The following ATXN1 variants were observed in gnomAD, a reference collection of about 807,000 sequenced individuals.
ATXN1 encodes the protein ataxin 1.
ATXN1 carries 8 observed loss-of-function variants against 56.4 expected under a neutral mutation model. The ratio of observed to expected loss-of-function variants is 0.14; its 90% CI spans 0.08 to 0.26. The LOEUF (loss-of-function observed/expected upper bound fraction) is 0.26, where lower values mean the gene tolerates loss of function less well. Among genes scored for constraint, ATXN1 ranks in the 10% least tolerant of loss-of-function variants. ATXN1 has a pLI of 1.00. For synonymous variants in ATXN1, 514 were observed against 494.6 expected (o/e 1.04, Z -0.52); for missense variants, 987 against 1,106.5 (o/e 0.89, Z 1.53).
At chr6:16,705,505 A>G (rs1052985556) in intron 2 of ATXN1, among the ~76,000 whole-genome samples, 2 of 152,174 alleles carry the variant, frequency 1.3e-5, no homozygotes, top group African/African-American at 4.8e-5. Flanking sequence ...TTGGTTCCCC[A>G]ATCACAGTGA....
chr6:16,624,688 G>A (rs1483077863), intron 3 of ATXN1, among the ~76,000 whole-genome samples: 1 of 152,074 alleles, frequency 6.6e-6, no homozygotes, highest in Non-Finnish European at 1.5e-5. Context: ...CACATACTGT[G>A]GGTGAGAATA....
intron 4 of ATXN1, among the ~76,000 whole-genome samples, chr6:16,539,087 C>T (rs1191920220): frequency 6.6e-6 from 1 of 152,170 alleles, no homozygotes; most frequent in Non-Finnish European, 1.5e-5. Flanking sequence ...CTACCCATTC[C>T]CATGCAGAAA....
intron 6 of ATXN1, among the ~76,000 whole-genome samples, chr6:16,451,562 C>A (rs369306784): frequency 2.6e-5 from 4 of 152,040 alleles, no homozygotes; most frequent in Non-Finnish European, 5.9e-5. Flanking sequence ...TGGAGACCAG[C>A]CCGACCAACA....
chr6:16,657,957 T>C (rs746987860), intron 2 of ATXN1, 56 bp from the exon 3 acceptor site: 1 of 152,200 alleles, frequency 6.6e-6, no homozygotes, highest in African/African-American at 2.4e-5. Flanking sequence ...CTTCAAGCAG[T>C]TAGTGGATAT....
chr6:16,706,736 A>AAAAAC lies in ATXN1; in HGVS notation c.-615+46496_-615+46497insGTTTT, dbSNP rs1554127335. 3.7e-4 allele frequency among the ~76,000 whole-genome samples: 54 copies of AAAAAC among 144,760 alleles called. 2 individuals are homozygous for AAAAAC. Among genetic ancestry groups the AAAAAC allele is most frequent in the East Asian group, 1.4e-3 (7 of 4,880 alleles). 95.0% of individuals were successfully genotyped at this position (144,760 alleles called of 152,430 possible). ...AAGACTCCATCTCAAAAAAAAAAAA[A>AAAAAC]AAAAGGAAGAAAGAAAGAGGACCCT... On this transcript the variant is annotated intron_variant, in intron 2 of 7. Transcript: ENST00000436367.
intron 6 of ATXN1, among the ~76,000 whole-genome samples, chr6:16,466,782 A>C (rs897575355): frequency 6.6e-6 from 1 of 152,218 alleles, no homozygotes; most frequent in African/African-American, 2.4e-5. Context: ...CAGGTAGATA[A>C]TAATGACATG....
At chr6:16,570,686 T>C (rs964648671) in intron 4 of ATXN1, among the ~76,000 whole-genome samples, 2 of 152,142 alleles carry the variant, frequency 1.3e-5, no homozygotes, top group African/African-American at 4.8e-5. Flanking sequence ...GAAAGACAGA[T>C]GAAAGTGAAG....
rs180017 is a variant in ATXN1, at chr6:16,305,971, A to G, written c.*358T>C. 0.36 allele frequency: 79,707 copies of G among 223,516 alleles called. 14,685 individuals carry two copies. Among genetic ancestry groups the G allele is most frequent in the Admixed American group, 0.37 (7,113 of 19,040 alleles). 13.8% of individuals were successfully genotyped at this position (223,516 alleles called of 1,614,324 possible). On this transcript the variant is annotated 3_prime_UTR_variant, in exon 8 of 8. Transcript: ENST00000436367. Reference sequence around the variant, plus strand: ...GCGTGCAACCCTGCACCCCTGCAGGACCCTTCCCACGGGACTTTTCTCCTG... The same window carrying G: ...GCGTGCAACCCTGCACCCCTGCAGGGCCCTTCCCACGGGACTTTTCTCCTG...
intron 4 of ATXN1, among the ~76,000 whole-genome samples, chr6:16,560,463 T>C (rs140396432): frequency 7.4e-4 from 112 of 152,070 alleles, no homozygotes; most frequent in African/African-American, 2.6e-3. Context: ...AAATAAAATG[T>C]CCTGACAAAG....
intron 6 of ATXN1, among the ~76,000 whole-genome samples, chr6:16,356,979 G>A (rs1167799910): frequency 2.0e-5 from 3 of 151,998 alleles, no homozygotes; most frequent in East Asian, 1.9e-4. Flanking sequence ...ACCATAATAC[G>A]GACAGTAATA....
intron 4 of ATXN1, among the ~76,000 whole-genome samples, chr6:16,547,980 G>A (rs1235645445): frequency 1.3e-5 from 2 of 152,146 alleles, no homozygotes; most frequent in African/African-American, 2.4e-5. Flanking sequence ...GTTGGGTAGC[G>A]GTGGGCTATG....
chr6:16,687,885 C>T (rs1197369816), intron 2 of ATXN1, among the ~76,000 whole-genome samples: 1 of 152,120 alleles, frequency 6.6e-6, no homozygotes, highest in African/African-American at 2.4e-5. Context: ...GAAACAAACA[C>T]CTCTGGCAGA....
At chr6:16,420,102 G>C (rs1759001361) in intron 6 of ATXN1, among the ~76,000 whole-genome samples, 1 of 152,188 alleles carries the variant, frequency 6.6e-6, no homozygotes, top group East Asian at 1.9e-4. Context: ...CAGCATAAGT[G>C]ATCGAAAGTC....
At chr6:16,628,774 T>C (rs1763452313) in intron 3 of ATXN1, among the ~76,000 whole-genome samples, 1 of 152,218 alleles carries the variant, frequency 6.6e-6, no homozygotes, top group Non-Finnish European at 1.5e-5. Context: ...GCTCCTTCCA[T>C]ACTCCTGCAA....
chr6:16,594,501 T>G (rs1445755787), intron 3 of ATXN1, among the ~76,000 whole-genome samples: 1 of 151,808 alleles, frequency 6.6e-6, no homozygotes, highest in Non-Finnish European at 1.5e-5. Context: ...ATTTATTTTT[T>G]GAGACGGAGT....
At chr6:16,412,335 C>T (rs1325094863) in intron 6 of ATXN1, among the ~76,000 whole-genome samples, 1 of 152,188 alleles carries the variant, frequency 6.6e-6, no homozygotes, top group African/African-American at 2.4e-5. Flanking sequence ...TGGACAGCCT[C>T]CTGCGTGTCC....
chr6:16,673,033 A>AAAAG (rs1758580046), intron 2 of ATXN1, among the ~76,000 whole-genome samples: 1 of 151,332 alleles, frequency 6.6e-6, no homozygotes. Context: ...AAAAAAAAAA[A>AAAAG]AAAGAAAAGA....
intron 3 of ATXN1, among the ~76,000 whole-genome samples, chr6:16,638,866 T>C (rs729769): frequency 0.4 from 60,429 of 151,910 alleles, 12,760 homozygotes; most frequent in African/African-American, 0.54. Context: ...CCTAAGCAAG[T>C]AGCCCAGATT....
intron 6 of ATXN1, among the ~76,000 whole-genome samples, chr6:16,408,638 T>C (rs2113547585): frequency 6.6e-6 from 1 of 152,352 alleles, no homozygotes; most frequent in East Asian, 1.9e-4. Context: ...GTAAGGATAA[T>C]GTGGTTAAAT....
Sources: allele counts gnomAD v4.1 joint callset (sites outside exome capture counted in the v4.1 genomes callset), GRCh38; gene constraint gnomAD v4.1.1; transcripts MANE v1.5; gene names NCBI Gene and HGNC (gene_info 2026-07-23, HGNC 2026-07-21).